The following CSMD2 variants were observed in gnomAD, a reference collection of about 807,000 sequenced individuals.
CSMD2 encodes CUB and sushi domain-containing protein 2.
A neutral mutation model predicts 398.5 loss-of-function variants in CSMD2; 130 were observed. That is an observed-to-expected ratio of 0.33 (90% CI 0.28 to 0.38). CSMD2 has a LOEUF of 0.38. CSMD2 is among the 10% of genes least tolerant of loss of function. The pLI is 1.00. For synonymous variants in CSMD2, 1,828 were observed against 1,908.5 expected (o/e 0.96, Z 1.10); for missense variants, 3,829 against 4,764.9 (o/e 0.80, Z 5.78).
chr1:33,971,319 T>G (rs1431121930), intron 3 of CSMD2, among the ~76,000 whole-genome samples: 2 of 152,200 alleles, frequency 1.3e-5, no homozygotes, highest in Non-Finnish European at 2.9e-5. Context: ...TGTGCATGGG[T>G]GAGCCAGTGT....
chr1:33,938,133 T>C (rs137861534), intron 3 of CSMD2, among the ~76,000 whole-genome samples: 150 of 152,380 alleles, frequency 9.8e-4, no homozygotes, highest in African/African-American at 3.4e-3. Flanking sequence ...TCTTAAAGAC[T>C]GAAGAGCTCT....
chr1:33,775,850 T>C (rs1343194576), intron 12 of CSMD2, among the ~76,000 whole-genome samples: 1 of 152,142 alleles, frequency 6.6e-6, no homozygotes, highest in Non-Finnish European at 1.5e-5. Context: ...TTAGGAACAA[T>C]GTAGGGACCA....
intron 28 of CSMD2, among the ~76,000 whole-genome samples, chr1:33,650,682 A>G (rs954775367): frequency 6.6e-6 from 1 of 152,064 alleles, no homozygotes. Flanking sequence ...TAAAGGATCT[A>G]TTTGTTTGTT....
rs79246073 is a variant in CSMD2, at chr1:34,058,508, G to A, written c.405-25802C>T. ...GAGAGGGAAGTTGTTGAGCTACAGC[G>A]TGCAAGGCTGTGGCATCAGAATGGA... On this transcript the variant is annotated intron_variant, in intron 2 of 70. Coordinates refer to ENST00000373381, the MANE Select transcript of CSMD2 (RefSeq NM_001281956.2). 9.7e-3 allele frequency among the ~76,000 whole-genome samples: 1,470 copies of A among 152,320 alleles called. 21 individuals carry two copies. Among genetic ancestry groups the A allele is most frequent in the African/African-American group, 0.031 (1,307 of 41,560 alleles).
At chr1:34,000,675 A>G (rs1038029296) in intron 3 of CSMD2, among the ~76,000 whole-genome samples, 1 of 152,176 alleles carries the variant, frequency 6.6e-6, no homozygotes, top group African/African-American at 2.4e-5. Context: ...ATAAGAAAGG[A>G]AGAAATGAAT....
intron 5 of CSMD2, chr1:33,871,082 T>C (rs1640426341): frequency 6.6e-6 from 1 of 152,192 alleles, no homozygotes; most frequent in South Asian, 2.1e-4. Context: ...ACTGCAGCCT[T>C]GTGACGGACT....
chr1:34,098,343 G>T lies in CSMD2; in HGVS notation c.188-9150C>A, dbSNP rs1415424513. Among the ~76,000 whole-genome samples the T allele has an allele frequency of 2.8e-5, 4 of 144,734 alleles. No homozygotes were observed. In the East Asian group the frequency reaches 8.2e-4, roughly 30 times the overall value. 95.0% of individuals were successfully genotyped at this position (144,734 alleles called of 152,430 possible). ...ACGAGTTAGTGGGTGCAGCACACCA[G>T]CATGGCACATGTATACGTATGTAAC... On this transcript the variant is annotated intron_variant, in intron 1 of 70. Transcript: ENST00000373381.
At chr1:34,122,963 T>G (rs2148474707) in intron 1 of CSMD2, among the ~76,000 whole-genome samples, 1 of 152,272 alleles carries the variant, frequency 6.6e-6, no homozygotes. Context: ...CTCATGAAAT[T>G]CTCCCAAGAG....
At chr1:33,955,392 G>A (rs1455970449) in intron 3 of CSMD2, among the ~76,000 whole-genome samples, 2 of 152,126 alleles carry the variant, frequency 1.3e-5, no homozygotes, top group African/African-American at 4.8e-5. Context: ...CTTATTCCAG[G>A]AAATAATTAC....
intron 5 of CSMD2, among the ~76,000 whole-genome samples, chr1:33,898,737 C>T (rs1188091473): frequency 6.6e-6 from 1 of 152,122 alleles, no homozygotes; most frequent in African/African-American, 2.4e-5. Flanking sequence ...CTTAGGAGGG[C>T]ACTGTTGAGC....
chr1:33,820,773 T>C (rs1280024749), intron 7 of CSMD2, among the ~76,000 whole-genome samples: 4 of 152,028 alleles, frequency 2.6e-5, no homozygotes, highest in African/African-American at 9.7e-5. Context: ...AATTCCTTTG[T>C]GAGCAAAGTC....
chr1:33,893,544 C>T (rs538420696), intron 5 of CSMD2, among the ~76,000 whole-genome samples: 3 of 152,150 alleles, frequency 2.0e-5, no homozygotes, highest in East Asian at 1.9e-4. Flanking sequence ...TTCAAGAGAG[C>T]GATGGAGGGA....
intron 43 of CSMD2, among the ~76,000 whole-genome samples, chr1:33,601,520 T>A (rs1054280992): frequency 8.5e-5 from 13 of 152,186 alleles, no homozygotes; most frequent in African/African-American, 2.9e-4. Flanking sequence ...ATGCTGGAAA[T>A]TAACCCAGGG....
chr1:33,577,577 A>G, intron 48 of CSMD2, 93 bp from the exon 49 acceptor site: 1 of 1,013,576 alleles, frequency 9.9e-7, no homozygotes, highest in Non-Finnish European at 1.4e-6. Context: ...TCTCCCCCCC[A>G]TCCCCTTGTC....
intron 7 of CSMD2, among the ~76,000 whole-genome samples, chr1:33,824,954 G>C (rs1053891883): frequency 1.3e-5 from 2 of 152,156 alleles, no homozygotes; most frequent in Non-Finnish European, 2.9e-5. Flanking sequence ...TTTAAGCCCA[G>C]TCTTGTGGAG....
intron 24 of CSMD2, among the ~76,000 whole-genome samples, chr1:33,697,549 T>A (rs1645460722): frequency 2.6e-5 from 4 of 152,206 alleles, no homozygotes; most frequent in Admixed American, 1.3e-4. Flanking sequence ...ATCTGTGGCC[T>A]TTAACACTTC....
intron 17 of CSMD2, 46 bp from the exon 18 acceptor site, chr1:33,724,750 A>G (rs1167344286): frequency 1.3e-6 from 2 of 1,566,134 alleles, no homozygotes; most frequent in African/African-American, 1.4e-5. Flanking sequence ...TACTGTCACT[A>G]CAGAGGGACC....
At chr1:33,548,419 T>C (rs292810) in intron 56 of CSMD2, among the ~76,000 whole-genome samples, 2,214 of 151,976 alleles carry the variant, frequency 0.015, 46 homozygotes, top group African/African-American at 0.051. Flanking sequence ...GGTGGTGAAC[T>C]TCTTGAAGTA....
In CSMD2 at chr1:33,698,182, T is replaced by C. The variant is rs892242002; in HGVS notation, c.3925+571A>G. On this transcript the variant is annotated intron_variant, in intron 24 of 70. Transcript: ENST00000373381. ...TCCTGTGACACATGTGTAAAGATTC[T>C]AGAGAACCTCTGATGACATTCTGGA... Among the ~76,000 whole-genome samples, 21 of 152,234 alleles carry C rather than the reference T, an allele frequency of 1.4e-4. 1 individual carries two copies.
Sources: gnomAD v4.1 joint callset for allele counts (sites outside exome capture counted in the v4.1 genomes callset) on GRCh38, gnomAD v4.1.1 for gene constraint, MANE v1.5 for transcripts, NCBI Gene and HGNC (gene_info 2026-07-23, HGNC 2026-07-21) for gene names.